Variants in CCDC192 observed in about 807,000 individuals in gnomAD.
CCDC192 encodes coiled-coil domain containing 192, also known as coiled-coil domain-containing protein 192.
At position 127,723,458 on chromosome 5, in the gene CCDC192, C is replaced by T. The variant is rs898263547; in HGVS notation, c.114+15698C>T. On this transcript the variant is annotated intron_variant, in intron 2 of 6. Transcript: ENST00000514853. ...ATCTGGATGCTCTCTATTTTATTCT[C>T]ATCTCATTGCTCTAGGTAGGAGTTC... 2.6e-5 allele frequency among the ~76,000 whole-genome samples: 4 copies of T among 152,162 alleles called. No homozygotes were observed. The East Asian group carries it at 7.7e-4, about 29-fold the overall frequency.
At chr5:127,856,129 T>C (rs999380575) in intron 5 of CCDC192, among the ~76,000 whole-genome samples, 1 of 152,242 alleles carries the variant, frequency 6.6e-6, no homozygotes, top group Non-Finnish European at 1.5e-5. Flanking sequence ...GTTGTCACCA[T>C]TGAAAATCTG....
chr5:127,864,439 T>C (rs1040490714), intron 5 of CCDC192, among the ~76,000 whole-genome samples: 1 of 152,172 alleles, frequency 6.6e-6, no homozygotes, highest in Non-Finnish European at 1.5e-5. Flanking sequence ...AGATAGGATA[T>C]TGAGATCTAC....
chr5:127,839,627 A>G (rs1333582185), intron 5 of CCDC192, among the ~76,000 whole-genome samples: 1 of 152,144 alleles, frequency 6.6e-6, no homozygotes, highest in Admixed American at 6.5e-5. Flanking sequence ...TTATGGAGAA[A>G]AGTGGCAAGT....
At chr5:127,815,188 A>G (rs73783982) in intron 5 of CCDC192, among the ~76,000 whole-genome samples, 20,698 of 152,158 alleles carry the variant, frequency 0.14, 3,038 homozygotes, top group African/African-American at 0.35. Flanking sequence ...AGACTGTGTG[A>G]CCTGGGAGCT....
intron 6 of CCDC192, among the ~76,000 whole-genome samples, chr5:127,909,367 C>T (rs1239371490): frequency 6.6e-6 from 1 of 152,030 alleles, no homozygotes; most frequent in Non-Finnish European, 1.5e-5. Flanking sequence ...ACTTCTTCCC[C>T]TTGCTACTAT....
At chr5:127,886,436 AC>A (rs1752561884) in intron 6 of CCDC192, among the ~76,000 whole-genome samples, 1 of 152,116 alleles carries the variant, frequency 6.6e-6, no homozygotes, top group African/African-American at 2.4e-5. Flanking sequence ...GTCCACTTAT[AC>A]CCAGATTTCC....
intron 6 of CCDC192, chr5:127,935,587 G>T (rs933346401): frequency 6.6e-6 from 1 of 152,136 alleles, no homozygotes; most frequent in African/African-American, 2.4e-5. Context: ...TAGGTATGTT[G>T]ACCTAATATG....
chr5:127,927,696 G>A (rs1476488109), intron 6 of CCDC192, among the ~76,000 whole-genome samples: 3 of 152,092 alleles, frequency 2.0e-5, no homozygotes, highest in Non-Finnish European at 2.9e-5. Context: ...GAGGCAGGAG[G>A]GTCTGTAATC....
intron 3 of CCDC192, among the ~76,000 whole-genome samples, chr5:127,776,337 G>A (rs1160456253): frequency 6.6e-6 from 1 of 152,156 alleles, no homozygotes; most frequent in Non-Finnish European, 1.5e-5. Flanking sequence ...GAGACTTTTG[G>A]TACTTTGAAC....
At chr5:127,751,866 C>T (rs1056051308) in intron 2 of CCDC192, among the ~76,000 whole-genome samples, 9 of 152,242 alleles carry the variant, frequency 5.9e-5, no homozygotes, top group South Asian at 2.1e-4. Flanking sequence ...TCATTCATTT[C>T]TTCTTCCATT....
intron 2 of CCDC192, among the ~76,000 whole-genome samples, chr5:127,750,369 G>A (rs1478634809): frequency 2.0e-5 from 3 of 152,102 alleles, no homozygotes; most frequent in Non-Finnish European, 2.9e-5. Flanking sequence ...ATTTCATTAT[G>A]TACCCAGTAG....
intron 2 of CCDC192, among the ~76,000 whole-genome samples, chr5:127,734,188 G>C (rs1369745391): frequency 6.7e-6 from 1 of 149,034 alleles, no homozygotes; most frequent in Admixed American, 6.8e-5. Flanking sequence ...TTGGTTTTTT[G>C]TTCTTGCGAT....
At chr5:127,758,978 A>G (rs1170324921) in intron 3 of CCDC192, among the ~76,000 whole-genome samples, 4 of 152,250 alleles carry the variant, frequency 2.6e-5, no homozygotes, top group South Asian at 2.1e-4. Flanking sequence ...CATAGAGCTT[A>G]TGAGGTAACA....
At chr5:127,892,225 G>A (rs1025535872) in intron 6 of CCDC192, among the ~76,000 whole-genome samples, 5 of 152,168 alleles carry the variant, frequency 3.3e-5, no homozygotes, top group African/African-American at 1.2e-4. Flanking sequence ...TATACTTGGA[G>A]CAGTGGAGAA....
intron 6 of CCDC192, among the ~76,000 whole-genome samples, chr5:127,885,921 G>A (rs1400311022): frequency 6.6e-6 from 1 of 152,086 alleles, no homozygotes; most frequent in East Asian, 1.9e-4. Flanking sequence ...ATTAAATAAA[G>A]CCATAATTTG....
chr5:127,936,208 G>A (rs1021526630), intron 6 of CCDC192, among the ~76,000 whole-genome samples: 3 of 152,190 alleles, frequency 2.0e-5, no homozygotes, highest in Non-Finnish European at 4.4e-5. Flanking sequence ...TGTAGTCAAC[G>A]CTCAGTCTTT....
chr5:127,784,952 T>C (rs910173294), intron 3 of CCDC192: 1 of 473,580 alleles, frequency 2.1e-6, no homozygotes. Flanking sequence ...GTATCTGTCT[T>C]CAATTCCACC....
intron 2 of CCDC192, among the ~76,000 whole-genome samples, chr5:127,727,519 AAAC>A (rs1752399636): frequency 6.6e-6 from 1 of 152,008 alleles, no homozygotes; most frequent in African/African-American, 2.4e-5. Flanking sequence ...AACAAACAGA[AAAC>A]AACAGCGTCA....
rs1169379891 is a variant in CCDC192, at chr5:127,735,153, C to T, written c.115-19115C>T. 5.8e-4 allele frequency among the ~76,000 whole-genome samples: 73 copies of T among 125,114 alleles called. 1 individual carries two copies. The highest frequency in any genetic ancestry group is 2.3e-3 in the African/African-American group (71 of 30,406). 82.1% of individuals were successfully genotyped at this position (125,114 alleles called of 152,430 possible). ...TTTCAGCTTTCTACATATGGCTAGC[C>T]AGTTTTCCCAGCACCATTTATTAAA... On this transcript the variant is annotated intron_variant, in intron 2 of 6. Transcript: ENST00000514853.
Sources: gnomAD v4.1 joint callset for allele counts (sites outside exome capture counted in the v4.1 genomes callset) on GRCh38, gnomAD v4.1.1 for gene constraint, MANE v1.5 for transcripts, NCBI Gene and HGNC (gene_info 2026-07-23, HGNC 2026-07-21) for gene names.